Variants in IPO11 observed in about 807,000 individuals in gnomAD.
IPO11 encodes importin-11.
Under a neutral mutation model 143.2 loss-of-function variants are expected in IPO11, and 66 were observed. The ratio of observed to expected loss-of-function variants is 0.46; its 90% confidence interval spans 0.38 to 0.57. The LOEUF is 0.57. Among genes scored for constraint, IPO11 ranks in the 20% least tolerant of loss-of-function variants. IPO11 has a pLI of 0.00. For missense variants in IPO11, 1,026 were observed against 1,141.0 expected, an observed-to-expected ratio of 0.90 and a Z score of 1.45; for synonymous variants, 385 against 377.8, an observed-to-expected ratio of 1.02 and a Z score of -0.22.
chr5:62,610,476 G>A (rs951228404), intron 29 of IPO11, among the ~76,000 whole-genome samples: 3 of 152,002 alleles, frequency 2.0e-5, no homozygotes, highest in South Asian at 2.1e-4. Context: ...GGTTGTCACT[G>A]GTTTGTTGTC....
chr5:62,492,374 C>T (rs1436597715), intron 15 of IPO11, among the ~76,000 whole-genome samples: 1 of 152,140 alleles, frequency 6.6e-6, no homozygotes, highest in Non-Finnish European at 1.5e-5. Flanking sequence ...CCCTTTGGCT[C>T]CAATATTGTT....
intron 20 of IPO11, among the ~76,000 whole-genome samples, chr5:62,521,257 A>G (rs1054954744): frequency 6.6e-6 from 1 of 152,228 alleles, no homozygotes; most frequent in African/African-American, 2.4e-5. Flanking sequence ...GCATTTTGCA[A>G]AAATACATAG....
intron 24 of IPO11, among the ~76,000 whole-genome samples, chr5:62,549,581 C>A (rs915727744): frequency 6.6e-6 from 1 of 152,220 alleles, no homozygotes; most frequent in Non-Finnish European, 1.5e-5. Flanking sequence ...ATAACCCTCT[C>A]AGATGGTATC....
intron 28 of IPO11, among the ~76,000 whole-genome samples, chr5:62,596,383 G>C (rs1399944070): frequency 6.6e-6 from 1 of 151,660 alleles, no homozygotes; most frequent in Non-Finnish European, 1.5e-5. Context: ...AACATACCAA[G>C]TATAAAGGAA....
intron 5 of IPO11, 119 bp downstream of exon 5, chr5:62,452,052 T>C (rs1458092749): frequency 1.4e-6 from 1 of 721,590 alleles, no homozygotes. Context: ...AGGTCAGGCC[T>C]GGCCAATATG....
At chr5:62,544,960 A>T (rs918292310) in intron 24 of IPO11, among the ~76,000 whole-genome samples, 16 of 152,190 alleles carry the variant, frequency 1.1e-4, no homozygotes, top group Non-Finnish European at 1.0e-4. Flanking sequence ...ACACAAACAA[A>T]TGGAAGAACA....
chr5:62,536,687 T>C lies in IPO11; in HGVS notation c.2090-15T>C. On this transcript the variant is annotated splice_polypyrimidine_tract_variant and intron_variant, in intron 22 of 29. Coordinates refer to ENST00000325324, the MANE Select transcript of IPO11 (RefSeq NM_016338.5). ...ATTAATTTGGTTTTTTGTTTGACATTTATTGTTTTGGCAGAACTAAGTTCA... is the reference window on the plus strand; with the variant it reads ...ATTAATTTGGTTTTTTGTTTGACATCTATTGTTTTGGCAGAACTAAGTTCA... 6.3e-7 allele frequency: 1 copy of C among 1,575,438 alleles called. No homozygotes were observed.
rs912831976 is a variant in IPO11, at chr5:62,543,975, T to A, written c.2251-6392T>A. ...AGTCATTCAGCAGCAGGTTGTTCAGTTTCCATGTAGTTGAGCGGTTTTGAG... is the reference window on the plus strand; with the variant it reads ...AGTCATTCAGCAGCAGGTTGTTCAGATTCCATGTAGTTGAGCGGTTTTGAG... On this transcript the variant is annotated intron_variant, in intron 24 of 29. Transcript: ENST00000325324. Among the ~76,000 whole-genome samples the A allele has an allele frequency of 5.9e-5, 9 of 152,192 alleles. 1 individual carries two copies. The highest frequency in any genetic ancestry group is 1.3e-4 in the Admixed American group (2 of 15,262).
chr5:62,491,627 A>G (rs955632617), intron 15 of IPO11, among the ~76,000 whole-genome samples: 3 of 151,680 alleles, frequency 2.0e-5, no homozygotes, highest in African/African-American at 7.3e-5. Flanking sequence ...TGTTGAAATG[A>G]TATTTTGGAT....
rs149500700 is a variant in IPO11, at chr5:62,566,414, G to A, written c.2582+5157G>A. Reference sequence around the variant, plus strand: ...GTTTTTTTTCATATGTTTGTTGGGTGCATAAATGTTATTTTTCTTATTAAT... The same window carrying A: ...GTTTTTTTTCATATGTTTGTTGGGTACATAAATGTTATTTTTCTTATTAAT... On this transcript the variant is annotated intron_variant, in intron 27 of 29. Coordinates refer to ENST00000325324, the MANE Select transcript of IPO11 (RefSeq NM_016338.5). 3.4e-4 allele frequency among the ~76,000 whole-genome samples: 52 copies of A among 152,092 alleles called. 2 individuals are homozygous for A. In the East Asian group the frequency reaches 9.7e-3, roughly 28 times the overall value.
rs1746554285 is a variant in IPO11 at position 62,490,207 on chromosome 5, G to A, written c.1450G>A (p.Val484Ile). ...FKNQLLPELQ[V>I]IHNRYKPLRR... ...AAACCAGCTTCTTCCAGAATTACAA[G>A]TCATTCACAATAGGCAAGTATAAAA... The change falls in exon 15 of 30, where the codon GTC (valine) becomes ATC (isoleucine). Residue 484 changes from valine to isoleucine, a missense_variant. Physicochemically the swap from Val to Ile is conservative, Grantham distance 29 (BLOSUM62 3). This residue lies in a region of IPO11 where 237 missense variants were observed against 288.0 expected (regional missense o/e 0.82). Transcript: ENST00000325324. 6.3e-7 allele frequency: 1 copy of A among 1,595,990 alleles called. No homozygotes were observed. Among genetic ancestry groups the A allele is most frequent in the Non-Finnish European group, 8.5e-7 (1 of 1,170,708 alleles).
chr5:62,606,876 TATGTA>T (rs1745738482), intron 29 of IPO11, among the ~76,000 whole-genome samples: 1 of 152,248 alleles, frequency 6.6e-6, no homozygotes, highest in South Asian at 2.1e-4. Context: ...GGCTCCAGCA[TATGTA>T]AGTAAACTAT....
chr5:62,449,282 C>T (rs1016152327), intron 3 of IPO11, among the ~76,000 whole-genome samples: 4 of 152,194 alleles, frequency 2.6e-5, no homozygotes, highest in African/African-American at 7.2e-5. Context: ...CCTTTCCTGT[C>T]CAGTAGCTTT....
intron 1 of IPO11, among the ~76,000 whole-genome samples, chr5:62,429,706 C>G (rs1177061986): frequency 6.6e-6 from 1 of 152,048 alleles, no homozygotes; most frequent in African/African-American, 2.4e-5. Context: ...TCACTGCAAC[C>G]TCTGCCTCCC....
chr5:62,578,855 A>T (rs1305318750), intron 27 of IPO11: 1 of 328,816 alleles, frequency 3.0e-6, no homozygotes, highest in Non-Finnish European at 6.0e-6. Flanking sequence ...AACTGGAGTT[A>T]AGAAATGTCG....
chr5:62,549,703 A>C lies in IPO11; in HGVS notation c.2251-664A>C, dbSNP rs183645081. 1.2e-4 allele frequency among the ~76,000 whole-genome samples: 18 copies of C among 152,226 alleles called. 1 individual carries two copies. The East Asian group carries it at 2.5e-3, about 21-fold the overall frequency. On this transcript the variant is annotated intron_variant, in intron 24 of 29. Coordinates refer to ENST00000325324, the MANE Select transcript of IPO11 (RefSeq NM_016338.5). ...GCATTCTTCTCTTCCTAAATATTAA[A>C]ACAAAAATAAACAAACTCCACCCTG...
intron 1 of IPO11, among the ~76,000 whole-genome samples, chr5:62,422,095 C>T (rs1440837100): frequency 6.6e-6 from 1 of 151,974 alleles, no homozygotes; most frequent in East Asian, 1.9e-4. Flanking sequence ...TATAGCTTTT[C>T]CTTCCTATTT....
At chr5:62,490,035 A>T in intron 14 of IPO11, 80 bp from the exon 15 acceptor site, 1 of 673,642 alleles carries the variant, frequency 1.5e-6, no homozygotes, top group Non-Finnish European at 2.4e-6. Context: ...TGTTTCCTTT[A>T]ATTAACATAT....
chr5:62,454,161 C>T (rs1745041090), intron 5 of IPO11, among the ~76,000 whole-genome samples: 1 of 152,020 alleles, frequency 6.6e-6, no homozygotes, highest in African/African-American at 2.4e-5. Flanking sequence ...AATAAATAGC[C>T]AGTCTTATGT....
Sources: allele counts gnomAD v4.1 joint callset (sites outside exome capture counted in the v4.1 genomes callset), GRCh38; gene constraint gnomAD v4.1.1; regional missense constraint gnomAD v4.1.1; transcripts MANE v1.5; gene names NCBI Gene and HGNC (gene_info 2026-07-23, HGNC 2026-07-21).